PTPRD: variants seen among roughly 807,000 people sequenced by gnomAD.
The protein encoded by PTPRD is protein tyrosine phosphatase receptor type D.
A neutral mutation model predicts 214.5 loss-of-function variants in PTPRD; 34 were observed. That is an observed-to-expected ratio of 0.16 (90% confidence interval 0.12 to 0.21). The LOEUF (loss-of-function observed/expected upper bound fraction) is 0.21. PTPRD is among the 10% of genes least tolerant of loss of function. PTPRD has a pLI of 1.00. For missense variants in PTPRD, 2,545 were observed against 2,398.7 expected, an observed-to-expected ratio of 1.06 and a Z score of -1.27; for synonymous variants, 1,128 against 845.7, an observed-to-expected ratio of 1.33 and a Z score of -5.79.
At chr9:9,532,805 G>A (rs910507718) in intron 8 of PTPRD, among the ~76,000 whole-genome samples, 3 of 152,016 alleles carry the variant, frequency 2.0e-5, no homozygotes, top group Non-Finnish European at 4.4e-5. Flanking sequence ...AGCAATCATT[G>A]AAAAAAGTAC....
intron 4 of PTPRD, among the ~76,000 whole-genome samples, chr9:9,947,285 C>A (rs1477769692): frequency 2.1e-5 from 2 of 96,096 alleles, no homozygotes; most frequent in African/African-American, 8.4e-5. Flanking sequence ...AACATGTGCT[C>A]TGGAGATTAT....
chr9:9,084,461 G>A (rs1373310687), intron 10 of PTPRD, among the ~76,000 whole-genome samples: 1 of 152,108 alleles, frequency 6.6e-6, no homozygotes, highest in Non-Finnish European at 1.5e-5. Context: ...CAGATGACAG[G>A]TTGATGGGTT....
chr9:8,540,031 G>C (rs920767305), intron 14 of PTPRD, among the ~76,000 whole-genome samples: 6 of 152,058 alleles, frequency 3.9e-5, no homozygotes, highest in Non-Finnish European at 7.4e-5. Context: ...GTATAAATCT[G>C]AGTATTTGGG....
chr9:10,399,431 C>A (rs775288829), intron 2 of PTPRD, among the ~76,000 whole-genome samples: 1 of 151,866 alleles, frequency 6.6e-6, no homozygotes, highest in African/African-American at 2.4e-5. Flanking sequence ...AAATCCAAAA[C>A]ATTTTCATAA....
At chr9:9,279,463 T>C (rs1946878328) in intron 9 of PTPRD, among the ~76,000 whole-genome samples, 1 of 149,952 alleles carries the variant, frequency 6.7e-6, no homozygotes, top group Non-Finnish European at 1.5e-5. Context: ...TGCAAATCCT[T>C]CTTTTCCCTT....
chr9:9,692,711 C>G (rs543461100), intron 7 of PTPRD, among the ~76,000 whole-genome samples: 11 of 151,514 alleles, frequency 7.3e-5, no homozygotes, highest in Admixed American at 5.9e-4. Flanking sequence ...CTGCAGATTG[C>G]TTTCTGTAGT....
chr9:8,587,781 A>C (rs564755535), intron 14 of PTPRD, among the ~76,000 whole-genome samples: 10 of 152,234 alleles, frequency 6.6e-5, no homozygotes, highest in Non-Finnish European at 1.5e-4. Context: ...AGAGGAAAAC[A>C]CTTAGTAGGA....
intron 2 of PTPRD, among the ~76,000 whole-genome samples, chr9:10,572,546 C>T (rs1591229320): frequency 1.3e-5 from 2 of 152,092 alleles, no homozygotes; most frequent in Admixed American, 1.3e-4. Context: ...AAGCTAATTG[C>T]AAGTGAAATC....
intron 5 of PTPRD, among the ~76,000 whole-genome samples, chr9:9,794,913 G>A (rs2098992398): frequency 6.6e-6 from 1 of 152,176 alleles, no homozygotes; most frequent in African/African-American, 2.4e-5. Flanking sequence ...GAAGATAACA[G>A]TTTAGAAGAT....
At chr9:8,335,592 A>G (rs1306065754) in intron 43 of PTPRD, among the ~76,000 whole-genome samples, 1 of 152,220 alleles carries the variant, frequency 6.6e-6, no homozygotes, top group African/African-American at 2.4e-5. Context: ...CAAGACAGGG[A>G]TGCCCTCTCT....
chr9:9,166,887 T>C (rs774543749), intron 10 of PTPRD, among the ~76,000 whole-genome samples: 5 of 152,174 alleles, frequency 3.3e-5, no homozygotes, highest in Non-Finnish European at 7.3e-5. Context: ...ATAAGAGTCA[T>C]ATAGCTGGAC....
chr9:10,134,714 A>G (rs971327686), intron 3 of PTPRD, among the ~76,000 whole-genome samples: 2 of 152,166 alleles, frequency 1.3e-5, no homozygotes, highest in Non-Finnish European at 2.9e-5. Context: ...TATTAAAAAA[A>G]AGCCCCATCT....
intron 14 of PTPRD, among the ~76,000 whole-genome samples, chr9:8,599,381 T>C (rs958632845): frequency 5.3e-5 from 8 of 152,172 alleles, no homozygotes; most frequent in African/African-American, 1.9e-4. Flanking sequence ...ACCCCATCTC[T>C]TCTGAAAAGT....
chr9:8,732,347 C>T (rs1319255758), intron 12 of PTPRD, among the ~76,000 whole-genome samples: 1 of 152,136 alleles, frequency 6.6e-6, no homozygotes, highest in African/African-American at 2.4e-5. Flanking sequence ...TTAAACTGGG[C>T]TCCCAGGGTC....
At chr9:10,362,381 C>A (rs914137043) in intron 2 of PTPRD, among the ~76,000 whole-genome samples, 2 of 146,040 alleles carry the variant, frequency 1.4e-5, no homozygotes, top group African/African-American at 5.1e-5. Context: ...AGGAAAAGAG[C>A]TTTTAAACCC....
intron 3 of PTPRD, among the ~76,000 whole-genome samples, chr9:10,111,389 C>T (rs903970530): frequency 2.7e-5 from 4 of 149,744 alleles, no homozygotes. Flanking sequence ...CAGGCGCCCG[C>T]CACTACGCCC....
At chr9:9,179,418 C>T (rs2099926820) in intron 10 of PTPRD, among the ~76,000 whole-genome samples, 1 of 152,060 alleles carries the variant, frequency 6.6e-6, no homozygotes, top group African/African-American at 2.4e-5. Flanking sequence ...TGAAAAGTGA[C>T]ACTGATGATT....
intron 23 of PTPRD, among the ~76,000 whole-genome samples, chr9:8,503,869 T>C (rs144976576): frequency 6.7e-6 from 1 of 149,852 alleles, no homozygotes; most frequent in Non-Finnish European, 1.5e-5. Context: ...AAAAATAAAG[T>C]TTTTTTTTGT....
intron 11 of PTPRD, among the ~76,000 whole-genome samples, chr9:8,922,859 T>G (rs1040544241): frequency 4.6e-5 from 7 of 150,822 alleles, no homozygotes; most frequent in African/African-American, 1.5e-4. Flanking sequence ...GAGATGGGGT[T>G]TCATCATCTT....
Sources: allele counts gnomAD v4.1 joint callset (sites outside exome capture counted in the v4.1 genomes callset), GRCh38; gene constraint gnomAD v4.1.1; transcripts MANE v1.5; gene names NCBI Gene and HGNC (gene_info 2026-07-23, HGNC 2026-07-21).